The following NACAD variants were observed in gnomAD, a reference collection of about 807,000 sequenced individuals.
The protein encoded by NACAD is NAC alpha domain containing, also known as NAC-alpha domain-containing protein 1.
Under a neutral mutation model 98.9 loss-of-function variants are expected in NACAD, and 47 were observed. The ratio of observed to expected loss-of-function variants is 0.48; its 90% CI spans 0.38 to 0.61. NACAD has a LOEUF of 0.61. NACAD is among the 20% of genes least tolerant of loss of function. The probability of loss-of-function intolerance (pLI) is 0.00; values close to 1 mark genes in which losing one functional copy is unlikely to be tolerated. For synonymous variants in NACAD, 696 were observed against 767.2 expected (o/e 0.91, Z 1.53); for missense variants, 1,412 against 1,748.2 (o/e 0.81, Z 3.43).
Position 45,080,996 on chromosome 7 carries a change from G to A in NACAD, c.4431C>T (p.His1477=). The change falls in exon 6 of 8, where the codon CAC becomes CAT. Residue 1477 remains histidine (H), a synonymous_variant. Coordinates refer to ENST00000490531, the MANE Select transcript of NACAD (RefSeq NM_001146334.2). ...CCTTAAACTTCTCAGCTGCGGCTTT[G>A]TGCACTTGCTGGGACAGGTCCTCAA... The part of the protein sequence containing the change: ...AKIEDLSQQV[H]KAAAEKFKVP... The A allele has an allele frequency of 1.9e-6, 3 of 1,551,942 alleles. No individual in the cohort carries two copies. Among genetic ancestry groups the A allele is most frequent in the South Asian group, 1.2e-5 (1 of 84,066 alleles).
Position 45,082,124 on chromosome 7 carries a change from C to A in NACAD, c.4056G>T (p.Glu1352Asp). 1 of 1,479,236 alleles carries A rather than the reference C, an allele frequency of 6.8e-7. No homozygotes were observed. 91.6% of individuals were successfully genotyped at this position (1,479,236 alleles called of 1,614,324 possible). ...GLSAPEQQED[E>D]DSLEEDSPRA... ...CTGCCTTACCTTCCTCCAGGCTGTC[C>A]TCATCCTCTTGCTGCTCGGGGGCTG... The change falls in exon 2 of 8, where the codon GAG becomes GAT. Residue 1352 changes from glutamate (E) to aspartate (D), a missense_variant. By Grantham distance (45) the Glu-to-Asp change is conservative (BLOSUM62 2). Around this residue, in one of 5 missense-constraint regions of NACAD, gnomAD observed 572 missense variants for 639.6 expected, o/e 0.89. Coordinates refer to ENST00000490531, the MANE Select transcript of NACAD (RefSeq NM_001146334.2). The surrounding 1 kb of genome is among the most constrained non-coding windows in gnomAD (Gnocchi z 4.5).
Position 45,080,944 on chromosome 7 carries a change from G to A in NACAD, c.4483C>T (p.Pro1495Ser). ...ACCCGGGGCCTGGGTGCTGACTCAG[G>A]GACCAAGGCTGAGGGCTCTGAGGGC... ...KVPSEPSALVPESAPRPRVRL... is the reference protein window; with the variant it reads ...KVPSEPSALVSESAPRPRVRL... The change falls in exon 6 of 8, where the codon CCT becomes TCT. Residue 1495 changes from proline to serine, a missense_variant. Coordinates refer to ENST00000490531, the MANE Select transcript of NACAD (RefSeq NM_001146334.2). 1 of 1,552,516 alleles carries A rather than the reference G, an allele frequency of 6.4e-7. No individual in the cohort carries two copies. Among genetic ancestry groups the A allele is most frequent in the Non-Finnish European group, 8.7e-7 (1 of 1,147,488 alleles).
In NACAD at chr7:45,083,050, C is replaced by T; in HGVS notation, c.3130G>A (p.Ala1044Thr). 1.3e-6 allele frequency: 2 copies of T among 1,550,934 alleles called. No individual in the cohort carries two copies. Among genetic ancestry groups the T allele is most frequent in the South Asian group, 2.4e-5 (2 of 84,066 alleles). ...ASGAGEEIAE[A>T]LSRPGREACL... is the part of the protein sequence containing the mutation. ...GCTTCCCGTCCAGGCCTAGAAAGGG[C>T]TTCTGCTATTTCCTCCCCAGCACCA... is the stretch of plus-strand genomic sequence containing the variant. The change falls in exon 2 of 8, where the codon GCC becomes ACC. Residue 1044 changes from alanine (A) to threonine (T), a missense_variant. By Grantham distance (58) the Ala-to-Thr change is moderately conservative. Coordinates refer to ENST00000490531, the MANE Select transcript of NACAD (RefSeq NM_001146334.2).
intron 1 of NACAD, among the ~76,000 whole-genome samples, chr7:45,086,659 CA>C (rs1784527328): frequency 6.6e-6 from 1 of 152,262 alleles, no homozygotes; most frequent in African/African-American, 2.4e-5. Flanking sequence ...CACTTGAGGC[CA>C]ACATGTCAGG....
Position 45,080,948 on chromosome 7 carries a change from C to G in NACAD, c.4479G>C (p.Leu1493Phe). Residue 1493 changes from leucine (L) to phenylalanine (F), a missense_variant, in exon 6 of 8, where the codon TTG becomes TTC. Leu to Phe is a conservative substitution (Grantham distance 22). Transcript: ENST00000490531. ...GGGGCCTGGGTGCTGACTCAGGGACCAAGGCTGAGGGCTCTGAGGGCACCT... is the reference window on the plus strand; with the variant it reads ...GGGGCCTGGGTGCTGACTCAGGGACGAAGGCTGAGGGCTCTGAGGGCACCT... ...KFKVPSEPSA[L>F]VPESAPRPRV... is the part of the protein sequence containing the mutation. The G allele has an allele frequency of 6.4e-7, 1 of 1,552,358 alleles. No homozygotes were observed. The highest frequency in any genetic ancestry group is 8.7e-7 in the Non-Finnish European group (1 of 1,147,380).
In NACAD at chr7:45,084,446, C is replaced by T. The variant is rs1436992146; in HGVS notation, c.1734G>A (p.Lys578=). The T allele has an allele frequency of 6.4e-7, 1 of 1,551,876 alleles. No homozygotes were observed. Among genetic ancestry groups the T allele is most frequent in the African/African-American group, 1.4e-5 (1 of 73,056 alleles). ...EGGLDLPSGR[K]PVAAATIVPR... is the part of the protein sequence containing the mutation. The stretch of plus-strand genomic sequence containing the variant: ...GGACAATCGTGGCTGCAGCTACAGG[C>T]TTTCTGCCAGAGGGGAGGTCCAGCC... Residue 578 remains lysine (K), a synonymous_variant, in exon 2 of 8, where the codon AAG becomes AAA. Coordinates refer to ENST00000490531, the MANE Select transcript of NACAD (RefSeq NM_001146334.2).
intron 1 of NACAD, 122 bp from the exon 2 acceptor site, chr7:45,086,234 G>T: frequency 9.1e-7 from 1 of 1,092,938 alleles, no homozygotes; most frequent in Non-Finnish European, 1.3e-6. Flanking sequence ...GAAGGCAGGA[G>T]AGAAAAGAGA....
Position 45,082,828 on chromosome 7 carries a change from G to A in NACAD, c.3352C>T (p.Arg1118Trp), listed in dbSNP as rs746496544. Residue 1118 changes from arginine to tryptophan, a missense_variant, in exon 2 of 8, where the codon CGG becomes TGG. Physicochemically the swap from Arg to Trp is moderately radical, Grantham distance 101. Around this residue, in one of 5 missense-constraint regions of NACAD, gnomAD observed 572 missense variants for 639.6 expected, o/e 0.89. Coordinates refer to ENST00000490531, the MANE Select transcript of NACAD (RefSeq NM_001146334.2). This position sits in a 1 kb window ranked among gnomAD's most constrained non-coding sequence, Gnocchi z 4.5. ...PAACPEVSQA[R>W]LLSPAREERG... ...TCCTCCCTGGCTGGGCTCAGGAGCC[G>A]GGCCTGGCTGACCTCAGGGCAGGCA... The A allele has an allele frequency of 1.2e-5, 19 of 1,549,672 alleles. No homozygotes were observed. Among genetic ancestry groups the A allele is most frequent in the South Asian group, 7.1e-5 (6 of 84,012 alleles).
chr7:45,085,912 C>T lies in NACAD; in HGVS notation c.268G>A (p.Gly90Ser), dbSNP rs915903875. ...TCAGGGAGGAGCATGGGGCTTGGGC[C>T]GCCCTCCCCTGGGTCCGCCCAGGCC... ...PSAWADPGEG[G>S]PSPMLLPEGL... is the part of the protein sequence containing the mutation. The change falls in exon 2 of 8, where the codon GGC becomes AGC. Residue 90 changes from glycine to serine, a missense_variant. By Grantham distance (56) the Gly-to-Ser change is moderately conservative. Around this residue, in one of 5 missense-constraint regions of NACAD, gnomAD observed 638 missense variants for 722.7 expected, o/e 0.88. Coordinates refer to ENST00000490531, the MANE Select transcript of NACAD (RefSeq NM_001146334.2). The surrounding 1 kb of genome is among the most constrained non-coding windows in gnomAD (Gnocchi z 6.1). 18 of 1,545,916 alleles carry T rather than the reference C, an allele frequency of 1.2e-5. No homozygotes were observed. Among genetic ancestry groups the T allele is most frequent in the East Asian group, 4.9e-5 (2 of 40,872 alleles).
At position 45,084,815 on chromosome 7, in the gene NACAD, C is replaced by G; in HGVS notation, c.1365G>C (p.Gly455=). The change falls in exon 2 of 8, where the codon GGG becomes GGC. Residue 455 remains glycine, a synonymous_variant. Coordinates refer to ENST00000490531, the MANE Select transcript of NACAD (RefSeq NM_001146334.2). ...VEAAPQTSDR[G]AYLSQRQELI... ...ATTCCTGTCTCTGGGACAGATAGGC[C>G]CCTCTGTCTGAGGTCTGAGGAGCAG... 1 of 1,550,850 alleles carries G rather than the reference C, an allele frequency of 6.4e-7. No individual in the cohort carries two copies. Among genetic ancestry groups the G allele is most frequent in the Non-Finnish European group, 8.7e-7 (1 of 1,146,932 alleles).
At position 45,085,022 on chromosome 7, in the gene NACAD, T is replaced by C. The variant is rs1784493069; in HGVS notation, c.1158A>G (p.Ala386=). Residue 386 remains alanine (A), a synonymous_variant, in exon 2 of 8, where the codon GCA becomes GCG. Transcript: ENST00000490531. The surrounding 1 kb of genome is among the most constrained non-coding windows in gnomAD (Gnocchi z 6.1). ...AGGCTGAGTCTGAATCAGAGGAGGCTGCAGAGGTGTCGTCCCGGAAGGCAA... is the reference window on the plus strand; with the variant it reads ...AGGCTGAGTCTGAATCAGAGGAGGCCGCAGAGGTGTCGTCCCGGAAGGCAA... The part of the protein sequence containing the change: ...EAFAFRDDTS[A]ASSDSDSASY... 6 of 1,550,810 alleles carry C rather than the reference T, an allele frequency of 3.9e-6. No individual in the cohort carries two copies. Among genetic ancestry groups the C allele is most frequent in the Non-Finnish European group, 5.2e-6 (6 of 1,146,874 alleles).
intron 1 of NACAD, 131 bp from the exon 2 acceptor site, chr7:45,086,243 G>A (rs1189042954): frequency 3.0e-6 from 3 of 999,932 alleles, no homozygotes; most frequent in East Asian, 5.3e-5. Context: ...AGAGAAAAGA[G>A]AAGACCCTCT....
At position 45,080,644 on chromosome 7, in the gene NACAD, A is replaced by G. The variant is rs1255151830; in HGVS notation, c.4670T>C (p.Ile1557Thr). Residue 1557 changes from isoleucine (I) to threonine (T), a missense_variant, in exon 7 of 8, where the codon ATC (isoleucine) becomes ACC (threonine). Physicochemically the swap from Ile to Thr is moderately conservative, Grantham distance 89. Around this residue, in one of 5 missense-constraint regions of NACAD, gnomAD observed 88 missense variants for 105.4 expected, o/e 0.84. Coordinates refer to ENST00000490531, the MANE Select transcript of NACAD (RefSeq NM_001146334.2). ...RDNHSDIVNA[I>T]MELTM ...AAGGGGCCAGTGCTCACTCACCATG[A>G]TGGCGTTGACGATGTCACTGTGGTT... 6.4e-7 allele frequency: 1 copy of G among 1,551,156 alleles called. No homozygotes were observed. Among genetic ancestry groups the G allele is most frequent in the Non-Finnish European group, 8.7e-7 (1 of 1,146,910 alleles).
Position 45,088,699 on chromosome 7 carries a change from C to T in NACAD, c.67+129G>A. The T allele has an allele frequency of 1.7e-6, 1 of 588,992 alleles. No individual in the cohort carries two copies. The highest frequency in any genetic ancestry group is 2.4e-6 in the Non-Finnish European group (1 of 421,616). The allele number at this position is 588,992 out of a possible 1,614,324, so 36.5% of individuals were successfully genotyped here. A position where few individuals can be genotyped will look rare whatever the true frequency, so the allele number is the denominator to read the frequency against. On this transcript the variant is annotated intron_variant, in intron 1 of 7. Coordinates refer to ENST00000490531, the MANE Select transcript of NACAD (RefSeq NM_001146334.2). This position sits in a 1 kb window ranked among gnomAD's most constrained non-coding sequence, Gnocchi z 5.7. Reference sequence around the variant, plus strand: ...TTCAGATGGAGGGAAGGACAGGGCGCGGAAAGGGGAGGGGACTCGAGGGGG... The same window carrying T: ...TTCAGATGGAGGGAAGGACAGGGCGTGGAAAGGGGAGGGGACTCGAGGGGG...
Position 45,085,432 on chromosome 7 carries a change from C to T in NACAD, c.748G>A (p.Gly250Ser). The change falls in exon 2 of 8, where the codon GGC (glycine) becomes AGC (serine). Residue 250 changes from glycine to serine, a missense_variant. Around this residue, in one of 5 missense-constraint regions of NACAD, gnomAD observed 638 missense variants for 722.7 expected, o/e 0.88. Coordinates refer to ENST00000490531, the MANE Select transcript of NACAD (RefSeq NM_001146334.2). The surrounding 1 kb of genome is among the most constrained non-coding windows in gnomAD (Gnocchi z 6.1). ...APAEGLDFPS[G>S]WGLSPQGSMV... ...GACCCCTGCGGGGACAGGCCCCAGC[C>T]TGAGGGGAAGTCCAGCCCTTCAGCC... 1 of 1,548,528 alleles carries T rather than the reference C, an allele frequency of 6.5e-7. No homozygotes were observed. Among genetic ancestry groups the T allele is most frequent in the Non-Finnish European group, 8.7e-7 (1 of 1,145,848 alleles).
Position 45,080,969 on chromosome 7 carries a change from C to A in NACAD, c.4458G>T (p.Val1486=), listed in dbSNP as rs1231699286. ...GGACCAAGGCTGAGGGCTCTGAGGGCACCTTAAACTTCTCAGCTGCGGCTT... is the reference window on the plus strand; with the variant it reads ...GGACCAAGGCTGAGGGCTCTGAGGGAACCTTAAACTTCTCAGCTGCGGCTT... ...VHKAAAEKFK[V]PSEPSALVPE... is the part of the protein sequence containing the mutation. The change falls in exon 6 of 8, where the codon GTG becomes GTT. Residue 1486 remains valine, a synonymous_variant. Coordinates refer to ENST00000490531, the MANE Select transcript of NACAD (RefSeq NM_001146334.2). 6.4e-7 allele frequency: 1 copy of A among 1,551,902 alleles called. No individual in the cohort carries two copies. The highest frequency in any genetic ancestry group is 2.0e-5 in the Admixed American group (1 of 50,996).
At position 45,088,778 on chromosome 7, in the gene NACAD, G is replaced by T. The variant is rs984440918; in HGVS notation, c.67+50C>A. On this transcript the variant is annotated intron_variant, in intron 1 of 7. Transcript: ENST00000490531. This position sits in a 1 kb window ranked among gnomAD's most constrained non-coding sequence, Gnocchi z 5.7. The stretch of plus-strand genomic sequence containing the variant: ...GGTGAGCGATGGAAAGAGAACCCGG[G>T]CTGGAGAGGGGAGAGGCTGAAGGCA... The T allele has an allele frequency of 5.6e-5, 80 of 1,429,602 alleles. No individual in the cohort carries two copies. The highest frequency in any genetic ancestry group is 7.3e-5 in the Non-Finnish European group (79 of 1,083,400). 88.6% of individuals were successfully genotyped at this position (1,429,602 alleles called of 1,614,324 possible).
intron 6 of NACAD, 40 bp from the exon 7 acceptor site, chr7:45,080,802 A>T: frequency 6.5e-7 from 1 of 1,549,820 alleles, no homozygotes; most frequent in Non-Finnish European, 8.7e-7. Context: ...GAGCTGCTTG[A>T]GGTCCCTGGG....
chr7:45,085,651 G>A lies in NACAD; in HGVS notation c.529C>T (p.Pro177Ser), dbSNP rs983268951. ...PPDPDSFFTP[P>S]STPTKTTYAL... The stretch of plus-strand genomic sequence containing the variant: ...TAGGTGGTCTTGGTGGGGGTGGAGG[G>A]AGGCGTGAAGAAGGAATCAGGGTCT... The change falls in exon 2 of 8, where the codon CCC becomes TCC. Residue 177 changes from proline (P) to serine (S), a missense_variant. Physicochemically the swap from Pro to Ser is moderately conservative, Grantham distance 74. This residue lies in a region of NACAD where 638 missense variants were observed against 722.7 expected (regional missense o/e 0.88). Transcript: ENST00000490531. The surrounding 1 kb of genome is among the most constrained non-coding windows in gnomAD (Gnocchi z 6.1). The A allele has an allele frequency of 6.5e-7, 1 of 1,548,370 alleles. No individual in the cohort carries two copies. The highest frequency in any genetic ancestry group is 8.7e-7 in the Non-Finnish European group (1 of 1,145,854).
Sources: allele counts gnomAD v4.1 joint callset (sites outside exome capture counted in the v4.1 genomes callset), GRCh38; gene constraint gnomAD v4.1.1; regional missense constraint gnomAD v4.1.1; non-coding constraint Gnocchi (gnomAD v3.1); transcripts MANE v1.5; gene names NCBI Gene and HGNC (gene_info 2026-07-23, HGNC 2026-07-21).